ACAD10: variants seen among roughly 807,000 people sequenced by gnomAD.
The protein encoded by ACAD10 is ACAD-10.
ACAD10 carries 112 observed loss-of-function variants against 116.8 expected under a neutral mutation model. The observed-to-expected ratio is 0.96, with a 90% confidence interval of 0.82 to 1.12. ACAD10 has a LOEUF of 1.12. Among genes scored for constraint, ACAD10 ranks in the 50% most tolerant of loss-of-function variants. The probability of loss-of-function intolerance (pLI) is 0.00; values close to 1 mark genes in which losing one functional copy is unlikely to be tolerated. For missense variants in ACAD10, 1,259 were observed against 1,350.2 expected, an observed-to-expected ratio of 0.93 and a Z score of 1.06; for synonymous variants, 486 against 510.6, an observed-to-expected ratio of 0.95 and a Z score of 0.65.
chr12:111,748,934 A>G, intron 17 of ACAD10: 2 of 1,390,428 alleles, frequency 1.4e-6, no homozygotes, highest in Non-Finnish European at 1.0e-6. Flanking sequence ...AGGTGGCATT[A>G]TTATGTTTTT....
rs739580 is a variant in ACAD10 at position 111,756,923 on chromosome 12, C to T, written c.*450C>T. On this transcript the variant is annotated 3_prime_UTR_variant, in exon 21 of 21. Coordinates refer to ENST00000313698, the MANE Select transcript of ACAD10 (RefSeq NM_025247.6). ...TGAGCAGAGGGGCGGCCACGGCGGG[C>T]GGTGGCCTAGAGACCCAGGACCTGG... The T allele has an allele frequency of 0.067, 30,505 of 457,044 alleles. 4,590 individuals carry two copies. The highest frequency in any genetic ancestry group is 0.65 in the East Asian group (9,332 of 14,404). 28.3% of individuals were successfully genotyped at this position (457,044 alleles called of 1,614,324 possible).
Position 111,709,704 on chromosome 12 carries a change from G to T in ACAD10, c.690+20G>T, listed in dbSNP as rs922871669. 6.3e-7 allele frequency: 1 copy of T among 1,596,834 alleles called. No individual in the cohort carries two copies. The highest frequency in any genetic ancestry group is 8.5e-7 in the Non-Finnish European group (1 of 1,172,598). On this transcript the variant is annotated intron_variant, in intron 5 of 20. Coordinates refer to ENST00000313698, the MANE Select transcript of ACAD10 (RefSeq NM_025247.6). ...ATTAAGGTAATAGTCACTAATTTTT[G>T]AACTCCCTCCCATGCACCAGCCACT...
chr12:111,718,604 T>C (rs1888919271), intron 7 of ACAD10, among the ~76,000 whole-genome samples: 1 of 151,932 alleles, frequency 6.6e-6, no homozygotes, highest in African/African-American at 2.4e-5. Flanking sequence ...CTCAGCCTCC[T>C]GAGTAGCTGG....
intron 2 of ACAD10, among the ~76,000 whole-genome samples, chr12:111,699,485 G>T (rs146887066): frequency 2.0e-5 from 3 of 152,208 alleles, no homozygotes; most frequent in Non-Finnish European, 4.4e-5. Flanking sequence ...GGGTGGGTGT[G>T]GGGGGCATAT....
chr12:111,690,064 C>G (rs1887991003), intron 1 of ACAD10, among the ~76,000 whole-genome samples: 1 of 152,152 alleles, frequency 6.6e-6, no homozygotes, highest in Non-Finnish European at 1.5e-5. Flanking sequence ...AGATGTGGAA[C>G]TCACAAATAC....
intron 20 of ACAD10, 194 bp downstream of exon 20, chr12:111,755,939 A>T: frequency 1.4e-6 from 1 of 708,404 alleles, no homozygotes; most frequent in Non-Finnish European, 2.4e-6. Context: ...CCCATTTTGA[A>T]TGTGAGGAAA....
intron 1 of ACAD10, chr12:111,688,173 G>A (rs908554479): frequency 3.3e-5 from 5 of 152,064 alleles, no homozygotes; most frequent in Admixed American, 6.6e-5. Context: ...CCCCCCCAAA[G>A]GCATTTTTCG....
intron 2 of ACAD10, 69 bp downstream of exon 2, chr12:111,692,965 A>T: frequency 5.2e-6 from 8 of 1,549,182 alleles, no homozygotes; most frequent in Non-Finnish European, 7.0e-6. Context: ...GTGATCGGGA[A>T]GGCAGAGGGG....
chr12:111,705,431 C>T (rs969117739), intron 3 of ACAD10, among the ~76,000 whole-genome samples: 14 of 152,066 alleles, frequency 9.2e-5, no homozygotes, highest in African/African-American at 3.4e-4. Flanking sequence ...CTTTGTTGCC[C>T]AGGCTGGTGT....
At chr12:111,723,835 CG>C (rs1566155149) in intron 8 of ACAD10, among the ~76,000 whole-genome samples, 1 of 149,458 alleles carries the variant, frequency 6.7e-6, no homozygotes, top group Non-Finnish European at 1.5e-5. Flanking sequence ...TCAGACGGGG[CG>C]GTTGCCAGGC....
Position 111,712,518 on chromosome 12 carries a change from A to G in ACAD10, c.711A>G (p.Ala237=), listed in dbSNP as rs1452455546. Residue 237 remains alanine, a synonymous_variant, in exon 6 of 21, where the codon GCA becomes GCG. Transcript: ENST00000313698. ...HTIKVNDPET[A]VKELEALLGF... ...ACCAGGTTAATGACCCAGAGACTGCAGTAAAGGAATTAGAAGCTCTCTTGG... is the reference window on the plus strand; with the variant it reads ...ACCAGGTTAATGACCCAGAGACTGCGGTAAAGGAATTAGAAGCTCTCTTGG... 2.5e-6 allele frequency: 4 copies of G among 1,614,132 alleles called. No individual in the cohort carries two copies. Among genetic ancestry groups the G allele is most frequent in the Middle Eastern group, 1.6e-4 (1 of 6,062 alleles).
At chr12:111,687,880 T>TG (rs1289057409) in intron 1 of ACAD10, among the ~76,000 whole-genome samples, 3 of 151,988 alleles carry the variant, frequency 2.0e-5, no homozygotes, top group Admixed American at 6.6e-5. Context: ...TTTTTTTTTT[T>TG]GTATTTTGAG....
At position 111,733,522 on chromosome 12, in the gene ACAD10, A is replaced by T. The variant is rs529967666; in HGVS notation, c.1395-401A>T. Among the ~76,000 whole-genome samples the T allele has an allele frequency of 4.6e-5, 7 of 152,150 alleles. No individual in the cohort carries two copies. The South Asian group carries it at 1.5e-3, about 32-fold the overall frequency. ...CCTCAGCATCACTTCCACGTGTCTT[A>T]TATCTGTTAGAAGCAAGATGCTTCA... is the stretch of plus-strand genomic sequence containing the variant. On this transcript the variant is annotated intron_variant, in intron 10 of 20. Transcript: ENST00000313698.
intron 11 of ACAD10, among the ~76,000 whole-genome samples, chr12:111,736,185 G>GTTT (rs35268951): frequency 2.6e-4 from 25 of 97,760 alleles, no homozygotes; most frequent in South Asian, 1.1e-3. Flanking sequence ...CCAGCCAATT[G>GTTT]TTTTTTTTTT....
chr12:111,723,624 G>C (rs1455514667), intron 8 of ACAD10, among the ~76,000 whole-genome samples: 3 of 144,460 alleles, frequency 2.1e-5, no homozygotes, highest in Non-Finnish European at 4.6e-5. Flanking sequence ...CCCGGACGGG[G>C]CGGCTGGCCG....
intron 7 of ACAD10, among the ~76,000 whole-genome samples, chr12:111,717,542 A>G (rs1276467730): frequency 6.6e-6 from 1 of 151,984 alleles, no homozygotes; most frequent in African/African-American, 2.4e-5. Context: ...GTAAAGGCAG[A>G]TACAAACTGC....
At chr12:111,745,138 A>G in intron 13 of ACAD10, 95 bp downstream of exon 13, 1 of 1,342,354 alleles carries the variant, frequency 7.4e-7, no homozygotes, top group Non-Finnish European at 1.0e-6. Context: ...GGCAGTGAAG[A>G]TACAGGAGCT....
At chr12:111,706,072 A>G (rs1224052914) in intron 4 of ACAD10, 140 bp downstream of exon 4, 5 of 846,452 alleles carry the variant, frequency 5.9e-6, no homozygotes, top group South Asian at 1.8e-5. Flanking sequence ...GTTTAAATGC[A>G]ATATGTTGAA....
At position 111,740,048 on chromosome 12, in the gene ACAD10, G is replaced by A. The variant is rs74772453; in HGVS notation, c.1714+3044G>A. On this transcript the variant is annotated intron_variant, in intron 12 of 20. Coordinates refer to ENST00000313698, the MANE Select transcript of ACAD10 (RefSeq NM_025247.6). ...GATTTACTCCAAAAAATCCAGGACA[G>A]TGGGAGTGGGGATGGCAGGGAATGA... 3.6e-4 allele frequency among the ~76,000 whole-genome samples: 55 copies of A among 152,304 alleles called. No homozygotes were observed. In the East Asian group the frequency reaches 9.9e-3, roughly 27 times the overall value.
Sources: gnomAD v4.1 joint callset for allele counts (sites outside exome capture counted in the v4.1 genomes callset) on GRCh38, gnomAD v4.1.1 for gene constraint, MANE v1.5 for transcripts, NCBI Gene and HGNC (gene_info 2026-07-23, HGNC 2026-07-21) for gene names.